Variants in SARNP observed in about 807,000 individuals in gnomAD.
SARNP encodes SAP domain containing ribonucleoprotein, also known as SAP domain-containing ribonucleoprotein.
In SARNP, 5 loss-of-function variants were observed where a neutral mutation model predicts 38.1. The observed-to-expected ratio is 0.13, with a 90% CI of 0.07 to 0.28. SARNP has a LOEUF of 0.28. SARNP is among the 10% of genes least tolerant of loss of function. SARNP has a pLI of 1.00. For synonymous variants in SARNP, 84 were observed against 80.6 expected (o/e 1.04, Z -0.23); for missense variants, 180 against 243.9 (o/e 0.74, Z 1.75).
downstream of SARNP, chr12:55,752,905 A>T (rs1048663683): frequency 1.3e-5 from 2 of 152,206 alleles, no homozygotes; most frequent in South Asian, 4.1e-4. Context: ...CTCCCTAATC[A>T]AGTGCCACAT....
At chr12:55,769,996 G>A (rs1878958303) in intron 9 of SARNP, among the ~76,000 whole-genome samples, 1 of 152,150 alleles carries the variant, frequency 6.6e-6, no homozygotes, top group African/African-American at 2.4e-5. Context: ...TTAGAAGAGA[G>A]AGGCCAGAGG....
chr12:55,762,440 T>G (rs1372072968), intron 9 of SARNP: 1 of 151,702 alleles, frequency 6.6e-6, no homozygotes, highest in African/African-American at 2.4e-5. Flanking sequence ...GCCCGGCCAA[T>G]TTTGTATTTT....
At chr12:55,753,877 G>T (rs1284995932), downstream of SARNP, 1 of 152,082 alleles carries the variant, frequency 6.6e-6, no homozygotes, top group Non-Finnish European at 1.5e-5. Context: ...AGGCCAGAGG[G>T]TCAAGGCTGC....
At chr12:55,776,843 A>G (rs187882735) in intron 9 of SARNP, among the ~76,000 whole-genome samples, 82 of 152,366 alleles carry the variant, frequency 5.4e-4, no homozygotes, top group Admixed American at 1.2e-3. Context: ...TTACCCAGAC[A>G]ATAAGCCCAT....
intron 9 of SARNP, among the ~76,000 whole-genome samples, chr12:55,765,970 C>A (rs897731071): frequency 6.6e-6 from 1 of 152,150 alleles, no homozygotes; most frequent in African/African-American, 2.4e-5. Flanking sequence ...ATCTTTAGCT[C>A]CTTGCTGACA....
intron 1 of SARNP, among the ~76,000 whole-genome samples, chr12:55,807,113 G>A (rs1030530805): frequency 6.6e-6 from 1 of 152,156 alleles, no homozygotes; most frequent in Non-Finnish European, 1.5e-5. Context: ...TAGGTAGGCT[G>A]ATAAGGTTGC....
At chr12:55,771,676 T>C (rs561981981) in intron 9 of SARNP, among the ~76,000 whole-genome samples, 1 of 152,316 alleles carries the variant, frequency 6.6e-6, no homozygotes, top group East Asian at 1.9e-4. Flanking sequence ...AGATGTCATA[T>C]TTCACAAAAA....
intron 1 of SARNP, among the ~76,000 whole-genome samples, chr12:55,805,397 T>C (rs1377406111): frequency 1.3e-5 from 2 of 151,960 alleles, no homozygotes; most frequent in Non-Finnish European, 2.9e-5. Flanking sequence ...CTGAGGAACA[T>C]GGTAGGTAAT....
At chr12:55,802,660 A>C (rs1419680362) in intron 2 of SARNP, among the ~76,000 whole-genome samples, 1 of 151,728 alleles carries the variant, frequency 6.6e-6, no homozygotes, top group East Asian at 1.9e-4. Flanking sequence ...AATCCGAAAA[A>C]ACTAAAATCT....
chr12:55,799,061 T>C (rs536341931), intron 4 of SARNP, among the ~76,000 whole-genome samples: 3 of 152,322 alleles, frequency 2.0e-5, no homozygotes, highest in South Asian at 2.1e-4. Flanking sequence ...AGTGTGTGTA[T>C]ACGTGTATCT....
At chr12:55,788,423 A>G (rs1032398480) in intron 9 of SARNP, among the ~76,000 whole-genome samples, 1 of 152,092 alleles carries the variant, frequency 6.6e-6, no homozygotes, top group African/African-American at 2.4e-5. Context: ...TTTAATTCCC[A>G]TTATGCCTAT....
chr12:55,801,832 G>C (rs1304682787), intron 2 of SARNP, among the ~76,000 whole-genome samples: 1 of 152,002 alleles, frequency 6.6e-6, no homozygotes, highest in African/African-American at 2.4e-5. Context: ...TGCCCAGACT[G>C]GTCTCAAACT....
chr12:55,806,991 C>T (rs961184374), intron 1 of SARNP, among the ~76,000 whole-genome samples: 1 of 152,062 alleles, frequency 6.6e-6, no homozygotes, highest in East Asian at 1.9e-4. Context: ...AGTGGTCTCG[C>T]CATGTTGCCC....
chr12:55,805,852 TAAATAAAAATAA>T (rs1209764655), intron 1 of SARNP, among the ~76,000 whole-genome samples: 2 of 150,918 alleles, frequency 1.3e-5, no homozygotes, highest in African/African-American at 4.9e-5. Context: ...CTCAAAAAAA[TAAATAAAAATAA>T]AAATAAAAAT....
At chr12:55,781,643 T>G (rs1879345434) in intron 9 of SARNP, among the ~76,000 whole-genome samples, 1 of 151,966 alleles carries the variant, frequency 6.6e-6, no homozygotes, top group African/African-American at 2.4e-5. Context: ...TGATAAAAAA[T>G]GTAATACAAA....
chr12:55,801,750 T>G (rs937087007), intron 2 of SARNP, among the ~76,000 whole-genome samples: 4 of 152,048 alleles, frequency 2.6e-5, no homozygotes, highest in Non-Finnish European at 5.9e-5. Flanking sequence ...CCCAAGTAGG[T>G]AGGACTACAG....
chr12:55,805,226 A>G (rs1880103324), intron 1 of SARNP, among the ~76,000 whole-genome samples: 1 of 152,164 alleles, frequency 6.6e-6, no homozygotes, highest in Admixed American at 6.5e-5. Flanking sequence ...CGACCACTAC[A>G]CTCCAGCCTG....
chr12:55,773,561 G>A (rs145305091), intron 9 of SARNP, among the ~76,000 whole-genome samples: 3 of 152,248 alleles, frequency 2.0e-5, no homozygotes, highest in South Asian at 2.1e-4. Flanking sequence ...CAGAAAGAAC[G>A]TGCCAAAACA....
At chr12:55,755,383 A>C (rs1305580335), downstream of SARNP, 1 of 152,174 alleles carries the variant, frequency 6.6e-6, no homozygotes, top group Admixed American at 6.5e-5. Flanking sequence ...AGAGAACCAT[A>C]AAAAAGTACA....
Sources: allele counts gnomAD v4.1 joint callset (sites outside exome capture counted in the v4.1 genomes callset), GRCh38; gene constraint gnomAD v4.1.1; transcripts MANE v1.5; gene names NCBI Gene and HGNC (gene_info 2026-07-23, HGNC 2026-07-21).